TRAPPC9: variants seen among roughly 807,000 people sequenced by gnomAD.
TRAPPC9 encodes IKK2 binding protein.
Under a neutral mutation model 124.0 loss-of-function variants are expected in TRAPPC9, and 83 were observed. The observed-to-expected ratio is 0.67, with a 90% confidence interval of 0.56 to 0.80. The LOEUF (loss-of-function observed/expected upper bound fraction) is 0.80. TRAPPC9 is among the 30% of genes least tolerant of loss of function. The pLI is 0.00. For synonymous variants in TRAPPC9, 638 were observed against 617.5 expected (o/e 1.03, Z -0.49); for missense variants, 1,302 against 1,508.3 (o/e 0.86, Z 2.27).
chr8:139,842,761 G>T (rs1382227164), intron 21 of TRAPPC9, among the ~76,000 whole-genome samples: 1 of 152,198 alleles, frequency 6.6e-6, no homozygotes, highest in East Asian at 1.9e-4. Context: ...TCAGGGTGCT[G>T]GCCATTGTGC....
At chr8:139,935,261 A>G (rs986824555) in intron 19 of TRAPPC9, among the ~76,000 whole-genome samples, 1 of 152,176 alleles carries the variant, frequency 6.6e-6, no homozygotes, top group Non-Finnish European at 1.5e-5. Flanking sequence ...GAGGGGAAAG[A>G]TTTCTAAAAA....
At chr8:140,255,336 G>C (rs2064226668) in intron 15 of TRAPPC9, among the ~76,000 whole-genome samples, 1 of 152,208 alleles carries the variant, frequency 6.6e-6, no homozygotes, top group South Asian at 2.1e-4. Context: ...TATGTAACAG[G>C]TCATTCAGCT....
intron 16 of TRAPPC9, among the ~76,000 whole-genome samples, chr8:140,232,339 C>A (rs2063619228): frequency 6.6e-6 from 1 of 152,018 alleles, no homozygotes; most frequent in Non-Finnish European, 1.5e-5. Flanking sequence ...CAGGTAACTT[C>A]TTGGCCAAGA....
At chr8:140,039,552 G>C (rs950578047) in intron 17 of TRAPPC9, among the ~76,000 whole-genome samples, 1 of 152,220 alleles carries the variant, frequency 6.6e-6, no homozygotes, top group Non-Finnish European at 1.5e-5. Flanking sequence ...AATGCCAGCT[G>C]TATTTAAATT....
intron 19 of TRAPPC9, among the ~76,000 whole-genome samples, chr8:139,979,928 A>G (rs1836774176): frequency 6.6e-6 from 1 of 152,008 alleles, no homozygotes; most frequent in African/African-American, 2.4e-5. Context: ...CACAGACCAC[A>G]TTCCCGCTCT....
chr8:140,378,248 T>C (rs1044358399), intron 7 of TRAPPC9, among the ~76,000 whole-genome samples: 1 of 152,266 alleles, frequency 6.6e-6, no homozygotes, highest in South Asian at 2.1e-4. Flanking sequence ...GACTGAAGGA[T>C]GCAAAGTATT....
intron 21 of TRAPPC9, among the ~76,000 whole-genome samples, chr8:139,841,930 G>A (rs966617783): frequency 3.3e-5 from 5 of 152,252 alleles, no homozygotes; most frequent in African/African-American, 1.2e-4. Flanking sequence ...AGACAGGGCA[G>A]GAGGGAAGCT....
chr8:140,060,642 G>A (rs539602705), intron 17 of TRAPPC9, among the ~76,000 whole-genome samples: 2 of 119,880 alleles, frequency 1.7e-5, no homozygotes, highest in Non-Finnish European at 3.3e-5. Flanking sequence ...CCCTGCCCAC[G>A]GGCACTACCG....
intron 19 of TRAPPC9, among the ~76,000 whole-genome samples, chr8:139,948,417 G>A (rs78020933): frequency 0.018 from 2,758 of 152,226 alleles, 82 homozygotes; most frequent in African/African-American, 0.061. Flanking sequence ...CCCAGGGAGC[G>A]CAGACAGCAA....
intron 21 of TRAPPC9, among the ~76,000 whole-genome samples, chr8:139,843,827 C>G (rs907811903): frequency 1.3e-5 from 2 of 152,252 alleles, no homozygotes; most frequent in Non-Finnish European, 2.9e-5. Context: ...TCTGACTCTG[C>G]CCTCTGGCAC....
chr8:140,099,606 C>T (rs2060533949), intron 17 of TRAPPC9: 1 of 150,988 alleles, frequency 6.6e-6, no homozygotes, highest in Non-Finnish European at 1.5e-5. Context: ...AGGAGTGCCG[C>T]AGTCTACAGG....
Position 140,143,976 on chromosome 8 carries a change from A to G in TRAPPC9, c.2556+77483T>C, listed in dbSNP as rs75288684. On this transcript the variant is annotated intron_variant, in intron 17 of 22. Transcript: ENST00000438773. Reference sequence around the variant, plus strand: ...AAAGATGCTTCCTAGAATTACTGACATAGTGCATATCAAACTTCTCTATAC... The same window carrying G: ...AAAGATGCTTCCTAGAATTACTGACGTAGTGCATATCAAACTTCTCTATAC... Among the ~76,000 whole-genome samples the G allele has an allele frequency of 3.0e-3, 463 of 152,356 alleles. 5 individuals carry two copies. The highest frequency in any genetic ancestry group is 0.011 in the African/African-American group (437 of 41,584).
intron 12 of TRAPPC9, among the ~76,000 whole-genome samples, chr8:140,289,277 A>G (rs1175586311): frequency 1.3e-5 from 2 of 152,066 alleles, no homozygotes; most frequent in Admixed American, 1.3e-4. Context: ...AAGCACCCAG[A>G]AGCAAAGCCA....
intron 21 of TRAPPC9, among the ~76,000 whole-genome samples, chr8:139,816,981 G>T (rs191319759): frequency 6.6e-6 from 1 of 150,944 alleles, no homozygotes; most frequent in Non-Finnish European, 1.5e-5. Context: ...ATATTATCTT[G>T]CATTTTTGAT....
Position 139,840,131 on chromosome 8 carries a change from G to C in TRAPPC9, c.3055+45748C>G, listed in dbSNP as rs148635693. On this transcript the variant is annotated intron_variant, in intron 21 of 22. Coordinates refer to ENST00000438773, the MANE Select transcript of TRAPPC9 (RefSeq NM_001160372.4). ...CCCACGGCCTGGCAGAGCAGGCCCA[G>C]GAGATGTGAACCACACAAAGCAGAC... Among the ~76,000 whole-genome samples, 981 of 152,326 alleles carry C rather than the reference G, an allele frequency of 6.4e-3. 9 individuals carry two copies. Among genetic ancestry groups the C allele is most frequent in the African/African-American group, 0.022 (927 of 41,566 alleles).
At chr8:140,403,699 C>T (rs1349654119) in intron 6 of TRAPPC9, among the ~76,000 whole-genome samples, 5 of 151,046 alleles carry the variant, frequency 3.3e-5, no homozygotes, top group Admixed American at 2.0e-4. Flanking sequence ...ACTCTGTAGC[C>T]TAAGCTGCAG....
intron 17 of TRAPPC9, among the ~76,000 whole-genome samples, chr8:140,076,583 C>G (rs150047061): frequency 9.2e-5 from 14 of 152,234 alleles, no homozygotes; most frequent in Non-Finnish European, 4.4e-5. Context: ...TGGGGCCCAT[C>G]CCCTCTGGGT....
chr8:139,741,092 C>T (rs570783296), intron 21 of TRAPPC9, among the ~76,000 whole-genome samples: 4 of 152,310 alleles, frequency 2.6e-5, no homozygotes, highest in East Asian at 1.9e-4. Context: ...CCTGCACCCA[C>T]GGCCTCCCCC....
intron 9 of TRAPPC9, among the ~76,000 whole-genome samples, chr8:140,321,751 C>G (rs1288990380): frequency 6.6e-6 from 1 of 152,202 alleles, no homozygotes; most frequent in Non-Finnish European, 1.5e-5. Flanking sequence ...CTCCTGCAGG[C>G]TTTTGCAGAG....
Sources: allele counts gnomAD v4.1 joint callset (sites outside exome capture counted in the v4.1 genomes callset), GRCh38; gene constraint gnomAD v4.1.1; transcripts MANE v1.5; gene names NCBI Gene and HGNC (gene_info 2026-07-23, HGNC 2026-07-21).